The following NINL variants were observed in gnomAD, a reference collection of about 807,000 sequenced individuals.
NINL encodes ninein-like protein.
A neutral mutation model predicts 160.3 loss-of-function variants in NINL; 153 were observed. That is an observed-to-expected ratio of 0.95 (90% confidence interval 0.84 to 1.09). The LOEUF (loss-of-function observed/expected upper bound fraction) is 1.09. Ranked by LOEUF, NINL falls within the 50% of genes least tolerant of loss-of-function variation. NINL has a pLI of 0.00. For synonymous variants in NINL, 800 were observed against 734.8 expected, an observed-to-expected ratio of 1.09 and a Z score of -1.43; for missense variants, 1,829 against 1,764.0, an observed-to-expected ratio of 1.04 and a Z score of -0.66.
At chr20:25,583,948 G>A (rs1192273858) in intron 1 of NINL, among the ~76,000 whole-genome samples, 2 of 151,992 alleles carry the variant, frequency 1.3e-5, no homozygotes, top group Non-Finnish European at 2.9e-5. Context: ...ACAGGGAGGG[G>A]AACATCACAC....
chr20:25,545,395 C>T (rs554662963), intron 1 of NINL, among the ~76,000 whole-genome samples: 1 of 152,262 alleles, frequency 6.6e-6, no homozygotes, highest in African/African-American at 2.4e-5. Context: ...CAGACTTAGA[C>T]TGTAGACCTA....
chr20:25,523,141 G>A (rs190061417), intron 2 of NINL, among the ~76,000 whole-genome samples: 34 of 152,142 alleles, frequency 2.2e-4, no homozygotes, highest in Non-Finnish European at 1.5e-4. Context: ...GTTTTAGGCT[G>A]CATTGTTTAG....
At chr20:25,526,249 G>A (rs2064355602) in intron 2 of NINL, among the ~76,000 whole-genome samples, 159 bp downstream of exon 2, 2 of 152,232 alleles carry the variant, frequency 1.3e-5, no homozygotes, top group South Asian at 4.1e-4. Context: ...TTTCTACAAT[G>A]TAGAATTTCC....
intron 3 of NINL, among the ~76,000 whole-genome samples, chr20:25,516,640 AG>A (rs1350486551): frequency 6.6e-6 from 1 of 152,164 alleles, no homozygotes; most frequent in African/African-American, 2.4e-5. Flanking sequence ...CCTGTGCCTT[AG>A]GGAGAGTAGG....
intron 18 of NINL, among the ~76,000 whole-genome samples, chr20:25,468,538 T>C (rs378240): frequency 0.18 from 8,741 of 49,108 alleles, 1,243 homozygotes; most frequent in African/African-American, 0.38. Context: ...CCCTGCCCTG[T>C]CCCCCGACTC....
At chr20:25,551,497 T>A (rs185387789) in intron 1 of NINL, among the ~76,000 whole-genome samples, 2 of 152,166 alleles carry the variant, frequency 1.3e-5, no homozygotes, top group East Asian at 3.8e-4. Flanking sequence ...AGTGTCTCTA[T>A]CAGCAGAGGT....
chr20:25,554,636 CAA>C (rs747557892), intron 1 of NINL, among the ~76,000 whole-genome samples: 41,926 of 85,178 alleles, frequency 0.49, 7,751 homozygotes, highest in Non-Finnish European at 0.57. Context: ...AAAAAAAAAA[CAA>C]AAAAAAAAAA....
At chr20:25,507,461 G>C (rs764524352) in intron 5 of NINL, among the ~76,000 whole-genome samples, 1 of 152,170 alleles carries the variant, frequency 6.6e-6, no homozygotes, top group Non-Finnish European at 1.5e-5. Context: ...AGTGTCCATG[G>C]TGAGTTATAT....
intron 10 of NINL, 48 bp downstream of exon 10, chr20:25,496,615 G>T (rs1412116957): frequency 6.9e-6 from 11 of 1,605,088 alleles, no homozygotes; most frequent in Middle Eastern, 1.7e-4. Context: ...CCCTCAAAGG[G>T]GCTGGGGAGG....
intron 17 of NINL, among the ~76,000 whole-genome samples, chr20:25,473,635 C>G (rs1194548004): frequency 6.6e-6 from 1 of 150,922 alleles, no homozygotes; most frequent in Non-Finnish European, 1.5e-5. Flanking sequence ...ACCAGCCTGG[C>G]CAACATGGTG....
chr20:25,562,917 C>T (rs1396717211), intron 1 of NINL, among the ~76,000 whole-genome samples: 1 of 152,192 alleles, frequency 6.6e-6, no homozygotes, highest in Non-Finnish European at 1.5e-5. Context: ...CCTGTAATCC[C>T]AGCACTTTGG....
chr20:25,469,642 C>G (rs1233909456), intron 18 of NINL, among the ~76,000 whole-genome samples: 3 of 152,166 alleles, frequency 2.0e-5, no homozygotes, highest in Non-Finnish European at 4.4e-5. Flanking sequence ...CCTACAGACA[C>G]TGTTGTGGCC....
At chr20:25,491,224 C>G in intron 11 of NINL, 127 bp downstream of exon 11, 1 of 1,187,814 alleles carries the variant, frequency 8.4e-7, no homozygotes, top group Non-Finnish European at 1.2e-6. Context: ...TCCCTCGGGC[C>G]CTGCCCTGAA....
intron 3 of NINL, among the ~76,000 whole-genome samples, chr20:25,516,581 C>T (rs540389733): frequency 1.2e-4 from 19 of 152,276 alleles, no homozygotes; most frequent in South Asian, 1.2e-3. Context: ...GAGGACCAGG[C>T]TGTCACCTCC....
intron 1 of NINL, among the ~76,000 whole-genome samples, chr20:25,566,278 A>G (rs2064999414): frequency 2.0e-5 from 3 of 152,220 alleles, no homozygotes; most frequent in Non-Finnish European, 2.9e-5. Context: ...TACAGCTACA[A>G]TAAACATTAA....
At chr20:25,572,775 C>A (rs2065068888) in intron 1 of NINL, among the ~76,000 whole-genome samples, 1 of 152,124 alleles carries the variant, frequency 6.6e-6, no homozygotes, top group African/African-American at 2.4e-5. Flanking sequence ...ATGTCTCTTC[C>A]AGCTCTAAAT....
At chr20:25,491,584 G>A (rs1261451674) in intron 10 of NINL, 59 bp from the exon 11 acceptor site, 19 of 1,560,840 alleles carry the variant, frequency 1.2e-5, no homozygotes, top group Admixed American at 6.9e-5. Context: ...CCAGGCCCAC[G>A]CCACCCCCTT....
intron 23 of NINL, among the ~76,000 whole-genome samples, chr20:25,454,653 C>T (rs2090621450): frequency 6.6e-6 from 1 of 152,180 alleles, no homozygotes; most frequent in Admixed American, 6.5e-5. Flanking sequence ...TTTCATATTT[C>T]TCTTAATCCT....
At chr20:25,456,213 A>G (rs1161464192) in intron 22 of NINL, among the ~76,000 whole-genome samples, 2 of 133,972 alleles carry the variant, frequency 1.5e-5, no homozygotes, top group Non-Finnish European at 3.1e-5. Flanking sequence ...ACTGCATTCC[A>G]GCCTGGTGAC....
Sources: gnomAD v4.1 joint callset for allele counts (sites outside exome capture counted in the v4.1 genomes callset) on GRCh38, gnomAD v4.1.1 for gene constraint, MANE v1.5 for transcripts, NCBI Gene and HGNC (gene_info 2026-07-23, HGNC 2026-07-21) for gene names.